Variants in CRY2 observed in about 807,000 individuals in gnomAD.
The protein encoded by CRY2 is cryptochrome circadian regulator 2.
A neutral mutation model predicts 69.5 loss-of-function variants in CRY2; 31 were observed. That is an observed-to-expected ratio of 0.45 (90% confidence interval 0.34 to 0.60). The LOEUF (loss-of-function observed/expected upper bound fraction) is 0.60, where lower values mean the gene tolerates loss of function less well. CRY2 is among the 20% of genes least tolerant of loss of function. CRY2 has a pLI of 0.02. For missense variants in CRY2, 606 were observed against 797.8 expected (o/e 0.76, Z 2.90); for synonymous variants, 303 against 312.2 (o/e 0.97, Z 0.31).
chr11:45,858,041 G>C (rs545015111), intron 2 of CRY2, among the ~76,000 whole-genome samples: 1 of 152,318 alleles, frequency 6.6e-6, no homozygotes, highest in Non-Finnish European at 1.5e-5. Context: ...TGGGTTGACT[G>C]TACAACCATT....
At chr11:45,879,335 A>C (rs553202487) in intron 11 of CRY2, among the ~76,000 whole-genome samples, 1 of 152,344 alleles carries the variant, frequency 6.6e-6, no homozygotes, top group South Asian at 2.1e-4. Context: ...CATCAGATAA[A>C]ATCTGCTTCA....
intron 11 of CRY2, among the ~76,000 whole-genome samples, chr11:45,877,751 T>C (rs2086434850): frequency 6.6e-6 from 1 of 152,196 alleles, no homozygotes. Flanking sequence ...AAGACCTCAT[T>C]TGATTTCCCC....
rs746705241 is a variant in CRY2 at position 45,882,784 on chromosome 11, C to T, written c.*1873C>T. On this transcript the variant is annotated 3_prime_UTR_variant, in exon 12 of 12. Coordinates refer to ENST00000616080, the MANE Select transcript of CRY2 (RefSeq NM_021117.5). Reference sequence around the variant, plus strand: ...ATCTGAGAGTGGGAAGGCCAAAGGCCGAGGCCCAGATTTAGTATTCACTAG... The same window carrying T: ...ATCTGAGAGTGGGAAGGCCAAAGGCTGAGGCCCAGATTTAGTATTCACTAG... 45 of 398,454 alleles carry T rather than the reference C, an allele frequency of 1.1e-4. No individual in the cohort carries two copies. The highest frequency in any genetic ancestry group is 1.9e-4 in the Non-Finnish European group (42 of 226,062). 24.7% of individuals were successfully genotyped at this position (398,454 alleles called of 1,614,324 possible).
chr11:45,879,189 A>G (rs1310232793), intron 11 of CRY2, among the ~76,000 whole-genome samples: 1 of 151,874 alleles, frequency 6.6e-6, no homozygotes, highest in African/African-American at 2.4e-5. Context: ...AGATCACTCC[A>G]TTGCACTCCA....
At chr11:45,855,909 C>T in intron 1 of CRY2, 73 bp from the exon 2 acceptor site, 1 of 1,318,008 alleles carries the variant, frequency 7.6e-7, no homozygotes. Context: ...GAACCAGTTT[C>T]TCCCTGCTTT....
chr11:45,875,697 C>T (rs2086419934), intron 11 of CRY2, among the ~76,000 whole-genome samples: 1 of 152,112 alleles, frequency 6.6e-6, no homozygotes, highest in African/African-American at 2.4e-5. Context: ...GTGCAGACTT[C>T]CCTCCAAGAC....
At chr11:45,855,395 A>G (rs1253290563) in intron 1 of CRY2, among the ~76,000 whole-genome samples, 3 of 152,188 alleles carry the variant, frequency 2.0e-5, no homozygotes, top group Non-Finnish European at 4.4e-5. Flanking sequence ...CCACCAGAGT[A>G]AGGAGGATTT....
chr11:45,865,121 T>TA (rs938463238), intron 5 of CRY2, among the ~76,000 whole-genome samples: 1,940 of 141,114 alleles, frequency 0.014, 42 homozygotes, highest in African/African-American at 0.042. Context: ...CACATTTGGG[T>TA]AAAAAAAAAA....
chr11:45,872,712 C>A lies in CRY2; in HGVS notation c.*2+479C>A, dbSNP rs149666350. Among the ~76,000 whole-genome samples, 931 of 152,028 alleles carry A rather than the reference C, an allele frequency of 6.1e-3. 13 individuals are homozygous for A. The highest frequency in any genetic ancestry group is 0.02 in the Middle Eastern group (6 of 294). ...AAGCCCTTTTGTATTTTTTTGCCAG[C>A]TAAGGGAAAAAGGGAGGCATGGGGG... On this transcript the variant is annotated intron_variant, in intron 11 of 11. Coordinates refer to ENST00000616080, the MANE Select transcript of CRY2 (RefSeq NM_021117.5).
At chr11:45,848,881 G>A (rs191263635) in intron 1 of CRY2, among the ~76,000 whole-genome samples, 15 of 152,248 alleles carry the variant, frequency 9.9e-5, no homozygotes, top group African/African-American at 3.4e-4. Context: ...CTGCCCAGAA[G>A]GAACAACTAA....
intron 11 of CRY2, among the ~76,000 whole-genome samples, chr11:45,880,200 A>G (rs2086460286): frequency 6.6e-6 from 1 of 152,194 alleles, no homozygotes; most frequent in South Asian, 2.1e-4. Context: ...CAAACTTTTA[A>G]TGGGACGCTG....
intron 11 of CRY2, among the ~76,000 whole-genome samples, chr11:45,879,083 G>A (rs1425789884): frequency 6.6e-6 from 1 of 151,544 alleles, no homozygotes; most frequent in Non-Finnish European, 1.5e-5. Context: ...TACAAAATTA[G>A]CCAGGTGTGG....
At chr11:45,877,641 A>T (rs1157381312) in intron 11 of CRY2, among the ~76,000 whole-genome samples, 3 of 152,126 alleles carry the variant, frequency 2.0e-5, no homozygotes, top group Non-Finnish European at 4.4e-5. Context: ...CAACTAAGAG[A>T]TTGATTTTTC....
At position 45,869,617 on chromosome 11, in the gene CRY2, C is replaced by G; in HGVS notation, c.994C>G (p.Pro332Ala). ...NPRFDRMEGN[P>A]ICIQIPWDRN... ...CAGGTTTGACCGCATGGAGGGGAAC[C>G]CCATCTGCATCCAGATCCCCTGGGA... The change falls in exon 7 of 12, where the codon CCC (proline) becomes GCC (alanine). Residue 332 changes from proline to alanine, a missense_variant. Around this residue, in one of 5 missense-constraint regions of CRY2, gnomAD observed 382 missense variants for 508.9 expected, o/e 0.75. Coordinates refer to ENST00000616080, the MANE Select transcript of CRY2 (RefSeq NM_021117.5). 6.2e-7 allele frequency: 1 copy of G among 1,614,264 alleles called. No homozygotes were observed. Among genetic ancestry groups the G allele is most frequent in the Non-Finnish European group, 8.5e-7 (1 of 1,180,046 alleles).
At chr11:45,847,170 C>T (rs1429410420), upstream of CRY2, 2 of 1,547,172 alleles carry the variant, frequency 1.3e-6, no homozygotes, top group Middle Eastern at 1.7e-4. Context: ...GATCCGCTGT[C>T]CCTTGAGACT....
At chr11:45,872,675 G>A (rs188058070) in intron 11 of CRY2, among the ~76,000 whole-genome samples, 3 of 152,314 alleles carry the variant, frequency 2.0e-5, no homozygotes, top group Admixed American at 2.0e-4. Context: ...TTTTATCAGA[G>A]ATTTAAAAGT....
rs201354337 is a variant in CRY2, at chr11:45,872,171, C to G, written c.1722C>G (p.Leu574=). The G allele has an allele frequency of 7.4e-6, 12 of 1,614,154 alleles. No homozygotes were observed. The East Asian group carries it at 2.7e-4, about 36-fold the overall frequency. The change falls in exon 11 of 12, where the codon CTC becomes CTG. Residue 574 remains leucine (L), a synonymous_variant. Coordinates refer to ENST00000616080, the MANE Select transcript of CRY2 (RefSeq NM_021117.5). ...EAAEEPPGEE[L]SKRARVAELP... Reference sequence around the variant, plus strand: ...CCGAGGAACCACCTGGTGAAGAACTCAGCAAACGGGCCCGGGTGGCAGAGT... The same window carrying G: ...CCGAGGAACCACCTGGTGAAGAACTGAGCAAACGGGCCCGGGTGGCAGAGT...
chr11:45,847,644 T>A lies in CRY2; in HGVS notation c.154T>A (p.Cys52Ser). Residue 52 changes from cysteine to serine, a missense_variant, in exon 1 of 12, where the codon TGC becomes AGC. Transcript: ENST00000616080. ...CGTGCGCGGGGCGCGCTGCGTGCGC[T>A]GCGTTTACATTCTCGACCCGTGGTT... ...AAVRGARCVR[C>S]VYILDPWFAA... 6.3e-7 allele frequency: 1 copy of A among 1,599,454 alleles called. No homozygotes were observed. Among genetic ancestry groups the A allele is most frequent in the Non-Finnish European group, 8.5e-7 (1 of 1,173,858 alleles).
Position 45,850,827 on chromosome 11 carries a change from C to T in CRY2, c.215+3122C>T, listed in dbSNP as rs192965777. ...CTGTGACTCTGTTTCCCTCCTGCTC[C>T]TTCTACACTGACTCCCACACAATGT... On this transcript the variant is annotated intron_variant, in intron 1 of 11. Transcript: ENST00000616080. Among the ~76,000 whole-genome samples the T allele has an allele frequency of 4.7e-3, 714 of 152,214 alleles. 25 individuals carry two copies. In the South Asian group the frequency reaches 0.09, roughly 19 times the overall value.
Sources: allele counts gnomAD v4.1 joint callset (sites outside exome capture counted in the v4.1 genomes callset), GRCh38; gene constraint gnomAD v4.1.1; regional missense constraint gnomAD v4.1.1; transcripts MANE v1.5; gene names NCBI Gene and HGNC (gene_info 2026-07-23, HGNC 2026-07-21).